The following RNGTT variants were observed in gnomAD, a reference collection of about 807,000 sequenced individuals.
RNGTT encodes the protein mRNA-capping enzyme.
In RNGTT, 33 loss-of-function variants were observed where a neutral mutation model predicts 79.3. The observed-to-expected ratio is 0.42, with a 90% CI of 0.32 to 0.56. RNGTT has a LOEUF of 0.56. Among genes scored for constraint, RNGTT ranks in the 20% least tolerant of loss-of-function variants. The probability of loss-of-function intolerance (pLI) is 0.17; values close to 1 mark genes in which losing one functional copy is unlikely to be tolerated. For synonymous variants in RNGTT, 222 were observed against 235.9 expected, an observed-to-expected ratio of 0.94 and a Z score of 0.54; for missense variants, 497 against 739.1, an observed-to-expected ratio of 0.67 and a Z score of 3.80.
chr6:88,801,963 A>C (rs1279273379), intron 11 of RNGTT, among the ~76,000 whole-genome samples: 1 of 152,170 alleles, frequency 6.6e-6, no homozygotes, highest in Non-Finnish European at 1.5e-5. Context: ...ATGTATTCCT[A>C]AGCCAGCACA....
intron 8 of RNGTT, among the ~76,000 whole-genome samples, chr6:88,856,464 A>T (rs540991552): frequency 1.3e-5 from 2 of 152,230 alleles, no homozygotes; most frequent in Admixed American, 6.5e-5. Context: ...TTTTCTTTTA[A>T]ATCAAGTAGA....
intron 10 of RNGTT, among the ~76,000 whole-genome samples, chr6:88,845,138 G>A (rs1054867779): frequency 4.6e-5 from 7 of 151,418 alleles, no homozygotes; most frequent in Middle Eastern, 3.4e-3. Flanking sequence ...AAGTACAAGC[G>A]AGTAACACAC....
At chr6:88,699,905 G>A (rs567871080) in intron 13 of RNGTT, among the ~76,000 whole-genome samples, 80 of 152,234 alleles carry the variant, frequency 5.3e-4, no homozygotes, top group African/African-American at 1.9e-3. Flanking sequence ...GGTTACCAGG[G>A]GTGAAGAAGA....
At chr6:88,684,446 G>A (rs192809218) in intron 13 of RNGTT, among the ~76,000 whole-genome samples, 8 of 152,168 alleles carry the variant, frequency 5.3e-5, no homozygotes, top group Admixed American at 2.0e-4. Flanking sequence ...TGTTTATAGC[G>A]GCTTTATTCA....
chr6:88,856,776 G>A (rs1781859047), intron 8 of RNGTT, among the ~76,000 whole-genome samples: 2 of 152,126 alleles, frequency 1.3e-5, no homozygotes, highest in Admixed American at 1.3e-4. Flanking sequence ...TGTAAGGAAT[G>A]TGGAAATATT....
intron 4 of RNGTT, among the ~76,000 whole-genome samples, chr6:88,926,441 A>G (rs1784321534): frequency 6.6e-6 from 1 of 152,232 alleles, no homozygotes; most frequent in African/African-American, 2.4e-5. Flanking sequence ...AATTAATTTC[A>G]AAGTAATTCT....
intron 13 of RNGTT, among the ~76,000 whole-genome samples, chr6:88,696,852 G>C (rs1775691940): frequency 6.6e-6 from 1 of 152,056 alleles, no homozygotes; most frequent in African/African-American, 2.4e-5. Context: ...TGCAGAAAAA[G>C]AAGTACAAAA....
chr6:88,822,156 G>A (rs1220288927), intron 11 of RNGTT, among the ~76,000 whole-genome samples: 2 of 151,980 alleles, frequency 1.3e-5, no homozygotes, highest in Non-Finnish European at 2.9e-5. Context: ...TTTTTCCCTA[G>A]GCAAAAGGCC....
intron 8 of RNGTT, among the ~76,000 whole-genome samples, chr6:88,872,180 C>A (rs973763916): frequency 6.6e-6 from 1 of 152,066 alleles, no homozygotes; most frequent in African/African-American, 2.4e-5. Flanking sequence ...TCTTGCTAAT[C>A]TATGTTTTGT....
intron 8 of RNGTT, among the ~76,000 whole-genome samples, chr6:88,888,638 A>C (rs1782944244): frequency 6.6e-6 from 1 of 152,238 alleles, no homozygotes; most frequent in Admixed American, 6.5e-5. Flanking sequence ...TTTTAAGGCT[A>C]GTTCATTAAG....
intron 12 of RNGTT, among the ~76,000 whole-genome samples, chr6:88,773,712 G>T (rs1163413316): frequency 6.6e-6 from 1 of 152,092 alleles, no homozygotes; most frequent in Non-Finnish European, 1.5e-5. Context: ...CCCATTCAAT[G>T]AGGGAAAGAA....
At chr6:88,764,996 T>A (rs895052749) in intron 13 of RNGTT, among the ~76,000 whole-genome samples, 15 of 151,862 alleles carry the variant, frequency 9.9e-5, no homozygotes, top group Admixed American at 3.9e-4. Context: ...ATCGAGACCA[T>A]CCTGGCTAAC....
intron 12 of RNGTT, among the ~76,000 whole-genome samples, chr6:88,785,110 TAA>T (rs932409556): frequency 5.3e-5 from 8 of 152,118 alleles, no homozygotes; most frequent in African/African-American, 1.9e-4. Flanking sequence ...ACATTAAACA[TAA>T]GTTATTAATA....
chr6:88,916,359 G>C (rs1300434128), intron 4 of RNGTT, among the ~76,000 whole-genome samples: 1 of 152,138 alleles, frequency 6.6e-6, no homozygotes, highest in Non-Finnish European at 1.5e-5. Flanking sequence ...TGTAGTCCCA[G>C]CTACTAAAGA....
At chr6:88,762,439 T>A (rs2127837119) in intron 13 of RNGTT, among the ~76,000 whole-genome samples, 1 of 152,328 alleles carries the variant, frequency 6.6e-6, no homozygotes, top group African/African-American at 2.4e-5. Context: ...TTTAATCATG[T>A]TAAACCAAGT....
intron 1 of RNGTT, among the ~76,000 whole-genome samples, chr6:88,944,787 T>C (rs1784953129): frequency 6.6e-6 from 1 of 152,126 alleles, no homozygotes; most frequent in South Asian, 2.1e-4. Flanking sequence ...TCTATAACTG[T>C]GCATAATTTA....
At chr6:88,666,359 TG>T (rs1390711685) in intron 14 of RNGTT, among the ~76,000 whole-genome samples, 1 of 152,214 alleles carries the variant, frequency 6.6e-6, no homozygotes, top group Non-Finnish European at 1.5e-5. Flanking sequence ...TTCTAAAGGT[TG>T]GCCCCCGTGT....
chr6:88,872,361 T>G (rs1187326251), intron 8 of RNGTT, among the ~76,000 whole-genome samples: 1 of 152,006 alleles, frequency 6.6e-6, no homozygotes, highest in African/African-American at 2.4e-5. Context: ...ACAACAGCCC[T>G]GGCCAACAGC....
intron 14 of RNGTT, among the ~76,000 whole-genome samples, chr6:88,660,555 A>AAAAAAAAAAG (rs937133942): frequency 7.2e-5 from 11 of 151,832 alleles, no homozygotes; most frequent in South Asian, 2.1e-4. Context: ...ATGGTAAAAA[A>AAAAAAAAAAG]AAAGAAAGAA....
Sources: gnomAD v4.1 joint callset for allele counts (sites outside exome capture counted in the v4.1 genomes callset) on GRCh38, gnomAD v4.1.1 for gene constraint, MANE v1.5 for transcripts, NCBI Gene and HGNC (gene_info 2026-07-23, HGNC 2026-07-21) for gene names.